The following EPB41L4B variants were observed in gnomAD, a reference collection of about 807,000 sequenced individuals.
The protein encoded by EPB41L4B is erythrocyte membrane protein band 4.1 like 4B.
Under a neutral mutation model 112.5 loss-of-function variants are expected in EPB41L4B, and 30 were observed. The observed-to-expected ratio is 0.27, with a 90% CI of 0.20 to 0.36. EPB41L4B has a LOEUF of 0.36. Ranked by LOEUF, EPB41L4B falls within the 10% of genes least tolerant of loss-of-function variation. EPB41L4B has a pLI of 1.00. For missense variants in EPB41L4B, 1,024 were observed against 1,133.3 expected (o/e 0.90, Z 1.38); for synonymous variants, 408 against 439.7 (o/e 0.93, Z 0.90).
chr9:109,292,448 C>G (rs1290800735), intron 1 of EPB41L4B, among the ~76,000 whole-genome samples: 1 of 152,182 alleles, frequency 6.6e-6, no homozygotes. Context: ...TTGCCATTAT[C>G]ATCAGGCAAG....
chr9:109,222,645 A>AG (rs1478648772), intron 15 of EPB41L4B, among the ~76,000 whole-genome samples: 2 of 152,202 alleles, frequency 1.3e-5, no homozygotes, highest in African/African-American at 4.8e-5. Context: ...CATTCTGGAA[A>AG]GGAGGTCCCA....
At chr9:109,312,390 A>G (rs774003636) in intron 1 of EPB41L4B, among the ~76,000 whole-genome samples, 1 of 152,160 alleles carries the variant, frequency 6.6e-6, no homozygotes, top group African/African-American at 2.4e-5. Flanking sequence ...GTGAAATGAC[A>G]TTCAATGAGT....
At chr9:109,200,145 G>A in intron 20 of EPB41L4B, 91 bp downstream of exon 20, 1 of 1,049,564 alleles carries the variant, frequency 9.5e-7, no homozygotes, top group Non-Finnish European at 1.4e-6. Flanking sequence ...GCTGCTCCCT[G>A]GGACTAGTCA....
At chr9:109,189,838 A>G (rs1832398937) in intron 22 of EPB41L4B, among the ~76,000 whole-genome samples, 1 of 152,152 alleles carries the variant, frequency 6.6e-6, no homozygotes, top group African/African-American at 2.4e-5. Context: ...CATGTTGGCC[A>G]GGCTGGTCTT....
rs140376770 is a variant in EPB41L4B at position 109,293,155 on chromosome 9, C to T, written c.307-13234G>A. ...AATGTGGTTGTTTTACAGCACTAAGCACTGGGGGAGTGTGTTATGCAACAA... is the reference window on the plus strand; with the variant it reads ...AATGTGGTTGTTTTACAGCACTAAGTACTGGGGGAGTGTGTTATGCAACAA... On this transcript the variant is annotated intron_variant, in intron 1 of 25. Transcript: ENST00000374566. Among the ~76,000 whole-genome samples, 7 of 152,312 alleles carry T rather than the reference C, an allele frequency of 4.6e-5. No individual in the cohort carries two copies. In the East Asian group the frequency reaches 7.7e-4, roughly 17 times the overall value.
chr9:109,309,585 A>G (rs1160047138), intron 1 of EPB41L4B, among the ~76,000 whole-genome samples: 7 of 152,128 alleles, frequency 4.6e-5, no homozygotes, highest in African/African-American at 1.4e-4. Context: ...AGAACTACAC[A>G]TTGCTAACAA....
chr9:109,241,692 C>T (rs199837045), intron 15 of EPB41L4B: 1 of 1,614,180 alleles, frequency 6.2e-7, no homozygotes, highest in Admixed American at 1.7e-5. Context: ...TATCTCGATA[C>T]ATCATACTTT....
At chr9:109,295,204 T>G (rs1219604847) in intron 1 of EPB41L4B, among the ~76,000 whole-genome samples, 1 of 152,090 alleles carries the variant, frequency 6.6e-6, no homozygotes, top group Non-Finnish European at 1.5e-5. Flanking sequence ...GTGCCTAACT[T>G]CACAGACACC....
chr9:109,221,195 GGT>G (rs1833560593), intron 15 of EPB41L4B, among the ~76,000 whole-genome samples: 2 of 152,050 alleles, frequency 1.3e-5, no homozygotes, highest in Admixed American at 1.3e-4. Flanking sequence ...TTATATAGCA[GGT>G]GTTCCATAAA....
At chr9:109,206,264 G>T (rs1232222390) in intron 18 of EPB41L4B, among the ~76,000 whole-genome samples, 1 of 152,118 alleles carries the variant, frequency 6.6e-6, no homozygotes, top group South Asian at 2.1e-4. Context: ...GCTCACTGTA[G>T]CCTCTGCCTC....
chr9:109,302,341 C>G (rs572180367), intron 1 of EPB41L4B, among the ~76,000 whole-genome samples: 70 of 152,294 alleles, frequency 4.6e-4, no homozygotes, highest in African/African-American at 1.6e-3. Context: ...TGGTCCTCCC[C>G]CTGTACAGGT....
chr9:109,183,955 G>C (rs1021970474), intron 23 of EPB41L4B, among the ~76,000 whole-genome samples: 1 of 152,216 alleles, frequency 6.6e-6, no homozygotes, highest in Non-Finnish European at 1.5e-5. Flanking sequence ...CAATATCCTT[G>C]CCACGTGTAC....
intron 22 of EPB41L4B, among the ~76,000 whole-genome samples, chr9:109,188,303 G>A (rs1200739763): frequency 6.6e-6 from 1 of 152,166 alleles, no homozygotes; most frequent in East Asian, 1.9e-4. Flanking sequence ...AGACACTGAG[G>A]CTGGGAAGCA....
At position 109,320,132 on chromosome 9, in the gene EPB41L4B, G is replaced by C. The variant is rs766937716; in HGVS notation, c.306+9C>G. ...GGTGCCAGTGCCCCAGACTGGCCCC[G>C]TCACTCACCGGCAGGTCCACGCTCA... On this transcript the variant is annotated intron_variant, in intron 1 of 25. Transcript: ENST00000374566. 9 of 1,451,884 alleles carry C rather than the reference G, an allele frequency of 6.2e-6. No individual in the cohort carries two copies. The Admixed American group carries it at 2.3e-4, about 37-fold the overall frequency. The allele number at this position is 1,451,884 out of a possible 1,614,324, so 89.9% of individuals were successfully genotyped here.
intron 24 of EPB41L4B, among the ~76,000 whole-genome samples, chr9:109,180,829 A>G (rs1832027081): frequency 6.6e-6 from 1 of 152,182 alleles, no homozygotes; most frequent in African/African-American, 2.4e-5. Context: ...GGAGGAGGAC[A>G]GAGTGAGAGG....
chr9:109,314,641 C>CAA (rs34796841), intron 1 of EPB41L4B, among the ~76,000 whole-genome samples: 1 of 151,654 alleles, frequency 6.6e-6, no homozygotes, highest in South Asian at 2.1e-4. Context: ...CTCACCCCCC[C>CAA]CCACCTCAGC....
intron 2 of EPB41L4B, 123 bp from the exon 3 acceptor site, chr9:109,268,556 T>A: frequency 1.2e-6 from 1 of 828,290 alleles, no homozygotes; most frequent in Non-Finnish European, 1.9e-6. Flanking sequence ...TTGGATCATA[T>A]CATGGGTTCT....
At chr9:109,248,972 C>T (rs985608021) in intron 13 of EPB41L4B, among the ~76,000 whole-genome samples, 39 of 150,572 alleles carry the variant, frequency 2.6e-4, no homozygotes, top group Non-Finnish European at 4.9e-4. Flanking sequence ...GGCAGGAGAA[C>T]GGCGTGAACC....
intron 15 of EPB41L4B, 102 bp from the exon 16 acceptor site, chr9:109,217,247 T>A: frequency 1.0e-6 from 1 of 972,702 alleles, no homozygotes; most frequent in Admixed American, 2.1e-5. Flanking sequence ...CTGAAAGAAA[T>A]AAACTCAAAA....
Sources: gnomAD v4.1 joint callset for allele counts (sites outside exome capture counted in the v4.1 genomes callset) on GRCh38, gnomAD v4.1.1 for gene constraint, MANE v1.5 for transcripts, NCBI Gene and HGNC (gene_info 2026-07-23, HGNC 2026-07-21) for gene names.